The following SFPQ variants were observed in gnomAD, a reference collection of about 807,000 sequenced individuals.
The protein encoded by SFPQ is splicing factor proline and glutamine rich, also known as splicing factor, proline- and glutamine-rich.
A neutral mutation model predicts 72.9 loss-of-function variants in SFPQ; 11 were observed. That is an observed-to-expected ratio of 0.15 (90% confidence interval 0.09 to 0.25). The LOEUF is 0.25. Among genes scored for constraint, SFPQ ranks in the 10% least tolerant of loss-of-function variants. SFPQ has a pLI of 1.00. For missense variants in SFPQ, 847 were observed against 993.3 expected, an observed-to-expected ratio of 0.85 and a Z score of 1.98; for synonymous variants, 506 against 367.3, an observed-to-expected ratio of 1.38 and a Z score of -4.32.
downstream of SFPQ, chr1:35,180,407 T>TGC (rs1333642035): frequency 9.6e-7 from 1 of 1,045,548 alleles, no homozygotes; most frequent in Admixed American, 5.5e-5. Flanking sequence ...TCTGAACATA[T>TGC]GCAGTCATCC....
Position 35,192,407 on chromosome 1 carries a change from C to A in SFPQ, c.643G>T (p.Gly215Trp). The A allele has an allele frequency of 1.4e-5, 20 of 1,424,342 alleles. No homozygotes were observed. The highest frequency in any genetic ancestry group is 1.8e-5 in the Non-Finnish European group (20 of 1,096,984). The allele number at this position is 1,424,342 out of a possible 1,614,324, so 88.2% of individuals were successfully genotyped here. A position where few individuals can be genotyped will look rare whatever the true frequency, so the allele number is the denominator to read the frequency against. Residue 215 changes from glycine to tryptophan, a missense_variant, in exon 1 of 10, where the codon GGG becomes TGG. This residue lies in a region of SFPQ where 498 missense variants were observed against 405.1 expected (regional missense o/e 1.23). Coordinates refer to ENST00000357214, the MANE Select transcript of SFPQ (RefSeq NM_005066.3). ...GGPKGGKMPG[G>W]PKPGGGPGLS... ...CCCGGGCCGCCACCTGGCTTCGGCC[C>A]GCCAGGCATTTTGCCGCCTTTGGGA...
chr1:35,191,156 C>T (rs1327165110), intron 2 of SFPQ, among the ~76,000 whole-genome samples, 161 bp from the exon 3 acceptor site: 1 of 152,176 alleles, frequency 6.6e-6, no homozygotes, highest in Non-Finnish European at 1.5e-5. Flanking sequence ...CCACCCCACC[C>T]CTCTTTTCTC....
Position 35,187,077 on chromosome 1 carries a change from C to T in SFPQ, c.1910G>A (p.Gly637Asp). 1 of 1,614,068 alleles carries T rather than the reference C, an allele frequency of 6.2e-7. No individual in the cohort carries two copies. Among genetic ancestry groups the T allele is most frequent in the Non-Finnish European group, 8.5e-7 (1 of 1,179,976 alleles). ...ATTAGCTTCATAACCTATGCCACCA[C>T]CACCTCCTAGAGGTGGAAATTTCTG... is the stretch of plus-strand genomic sequence containing the variant. ...GGQKFPPLGGGGGIGYEANPG... is the reference protein window; with the variant it reads ...GGQKFPPLGGDGGIGYEANPG... The change falls in exon 9 of 10, where the codon GGT becomes GAT. Residue 637 changes from glycine to aspartate, a missense_variant. Physicochemically the swap from Gly to Asp is moderately conservative, Grantham distance 94. Coordinates refer to ENST00000357214, the MANE Select transcript of SFPQ (RefSeq NM_005066.3).
In SFPQ at chr1:35,191,500, C is replaced by T. The variant is rs138166674; in HGVS notation, c.858G>A (p.Arg286=). The T allele has an allele frequency of 3.4e-5, 55 of 1,613,302 alleles. 1 individual carries two copies. The Admixed American group carries it at 6.0e-4, about 18-fold the overall frequency. ...GTGTGTAAGTTTTCTCTCCAGGCCT[C>T]CTCAAGAGAGACAAATTGGCTTTAA... The part of the protein sequence containing the change: ...EGFKANLSLL[R]RPGEKTYTQR... The change falls in exon 2 of 10, where the codon AGG becomes AGA. Residue 286 remains arginine, a synonymous_variant. Coordinates refer to ENST00000357214, the MANE Select transcript of SFPQ (RefSeq NM_005066.3).
At chr1:35,191,589 AG>A in intron 1 of SFPQ, 60 bp from the exon 2 acceptor site, 1 of 1,350,968 alleles carries the variant, frequency 7.4e-7, no homozygotes, top group Non-Finnish European at 1.0e-6. Context: ...AAAATCCCCA[AG>A]ATAGTATTTG....
chr1:35,191,316 C>T (rs374732522), intron 2 of SFPQ, 25 bp downstream of exon 2: 2 of 1,600,496 alleles, frequency 1.2e-6, no homozygotes, highest in Non-Finnish European at 8.5e-7. Flanking sequence ...TTTAATTCTA[C>T]GTAAAATCAA....
Position 35,192,999 on chromosome 1 carries a change from G to A in SFPQ, c.51C>T (p.His17=), listed in dbSNP as rs1308389993. ...RSRGGGGGGF[H]RRGGGGGRGG... is the part of the protein sequence containing the mutation. ...CGCGGCCGCCGCCTCCTCCACGCCT[G>A]TGGAAGCCACCACCGCCACCGCCAC... Residue 17 remains histidine, a synonymous_variant, in exon 1 of 10, where the codon CAC becomes CAT. Transcript: ENST00000357214. 7 of 1,577,024 alleles carry A rather than the reference G, an allele frequency of 4.4e-6. No homozygotes were observed. Among genetic ancestry groups the A allele is most frequent in the African/African-American group, 2.7e-5 (2 of 73,982 alleles).
rs984239458 is a variant in SFPQ, at chr1:35,190,384, G to A, written c.1415+114C>T. 6 of 689,706 alleles carry A rather than the reference G, an allele frequency of 8.7e-6. No individual in the cohort carries two copies. The African/African-American group carries it at 9.0e-5, about 10-fold the overall frequency. The allele number at this position is 689,706 out of a possible 1,614,324, so 42.7% of individuals were successfully genotyped here. A position where few individuals can be genotyped will look rare whatever the true frequency, so the allele number is the denominator to read the frequency against. ...TCAGCCTGAGATTTTTTACTAATAA[G>A]CATATCCACATCAAATAATTTTGCA... On this transcript the variant is annotated intron_variant, in intron 4 of 9. Transcript: ENST00000357214.
At chr1:35,179,188 G>A (rs932764162), downstream of SFPQ, 1 of 1,060,650 alleles carries the variant, frequency 9.4e-7, no homozygotes, top group Admixed American at 5.4e-5. Flanking sequence ...TTAAGTGAAA[G>A]GCAGTAAATG....
In SFPQ at chr1:35,190,487, A is replaced by C. The variant is rs1639945038; in HGVS notation, c.1415+11T>G. 6.6e-7 allele frequency: 1 copy of C among 1,513,502 alleles called. No homozygotes were observed. Among genetic ancestry groups the C allele is most frequent in the African/African-American group, 1.6e-5 (1 of 62,000 alleles). 93.8% of individuals were successfully genotyped at this position (1,513,502 alleles called of 1,614,324 possible). A position where few individuals can be genotyped will look rare whatever the true frequency, so the allele number is the denominator to read the frequency against. Reference sequence around the variant, plus strand: ...ATTTAAAAACTGCCAAAAAAGTTTAATCAATCTTACTTTTGATACATTGGA... The same window carrying C: ...ATTTAAAAACTGCCAAAAAAGTTTACTCAATCTTACTTTTGATACATTGGA... On this transcript the variant is annotated intron_variant, in intron 4 of 9. Coordinates refer to ENST00000357214, the MANE Select transcript of SFPQ (RefSeq NM_005066.3).
rs748429092 is a variant in SFPQ, at chr1:35,192,897, C to G, written c.153G>C (p.Pro51=). 3.2e-6 allele frequency: 5 copies of G among 1,554,512 alleles called. No homozygotes were observed. Among genetic ancestry groups the G allele is most frequent in the East Asian group, 4.9e-5 (2 of 41,002 alleles). The change falls in exon 1 of 10, where the codon CCG becomes CCC. Residue 51 remains proline, a synonymous_variant. Transcript: ENST00000357214. ...NQNRGPMGPG[P]GQSGPKPPIP... ...TCGGAGGCTTAGGGCCGCTCTGGCC[C>G]GGGCCAGGACCCATGGGGCCGCGAT...
chr1:35,180,093 G>A (rs760604004), downstream of SFPQ: 7 of 1,050,964 alleles, frequency 6.7e-6, no homozygotes, highest in African/African-American at 6.6e-5. Flanking sequence ...GCTTGCCAAC[G>A]AGCAAGCTTT....
chr1:35,179,592 TAA>T (rs1348070344), downstream of SFPQ: 4 of 1,053,366 alleles, frequency 3.8e-6, no homozygotes, highest in East Asian at 2.1e-4. Flanking sequence ...CCCACTGCAC[TAA>T]GATTCACAAT....
At chr1:35,180,261 T>C (rs1479844577), downstream of SFPQ, 5 of 1,050,670 alleles carry the variant, frequency 4.8e-6, no homozygotes, top group Non-Finnish European at 5.7e-6. Context: ...GAAGTTGAAG[T>C]GAGGTCTGGA....
At position 35,184,081 on chromosome 1, in the gene SFPQ, T is replaced by C; in HGVS notation, c.*375A>G. 9.1e-7 allele frequency: 1 copy of C among 1,100,796 alleles called. No homozygotes were observed. Among genetic ancestry groups the C allele is most frequent in the South Asian group, 3.6e-5 (1 of 28,056 alleles). The allele number at this position is 1,100,796 out of a possible 1,614,324, so 68.2% of individuals were successfully genotyped here. On this transcript the variant is annotated 3_prime_UTR_variant, in exon 10 of 10. Coordinates refer to ENST00000357214, the MANE Select transcript of SFPQ (RefSeq NM_005066.3). The stretch of plus-strand genomic sequence containing the variant: ...TTTCAATGTGGAATACGTAGCCTAA[T>C]ATGCATAGAAGCATGAATGGCAAAG...
chr1:35,186,542 G>A (rs1639723679), intron 9 of SFPQ, among the ~76,000 whole-genome samples: 1 of 152,072 alleles, frequency 6.6e-6, no homozygotes, highest in Admixed American at 6.6e-5. Context: ...ACCAAATATA[G>A]GTCAAAGTCC....
chr1:35,188,057 C>T lies in SFPQ; in HGVS notation c.1731G>A (p.Glu577=). The T allele has an allele frequency of 6.2e-7, 1 of 1,614,098 alleles. No individual in the cohort carries two copies. The highest frequency in any genetic ancestry group is 8.5e-7 in the Non-Finnish European group (1 of 1,179,954). ...QEEERRRREE[E]MMIRQREMEE... The stretch of plus-strand genomic sequence containing the variant: ...CCATCTCACGTTGACGAATCATCAT[C>T]TCTTCCTCTCTTCTACGTCGTTCCT... Residue 577 remains glutamate, a synonymous_variant, in exon 7 of 10, where the codon GAG becomes GAA. Transcript: ENST00000357214.
At position 35,183,621 on chromosome 1, in the gene SFPQ, T is replaced by C; in HGVS notation, c.*835A>G. Reference sequence around the variant, plus strand: ...AGACTTCATGTTTAACATCTTTAATTCAAATGTAAAAGTTCAATACAAGCC... The same window carrying C: ...AGACTTCATGTTTAACATCTTTAATCCAAATGTAAAAGTTCAATACAAGCC... On this transcript the variant is annotated 3_prime_UTR_variant, in exon 10 of 10. Transcript: ENST00000357214. 1 of 1,031,636 alleles carries C rather than the reference T, an allele frequency of 9.7e-7. No homozygotes were observed. The highest frequency in any genetic ancestry group is 4.6e-5 in the South Asian group (1 of 21,656). 63.9% of individuals were successfully genotyped at this position (1,031,636 alleles called of 1,614,324 possible).
chr1:35,191,905 C>A (rs1464406938), intron 1 of SFPQ, among the ~76,000 whole-genome samples: 1 of 152,264 alleles, frequency 6.6e-6, no homozygotes, highest in Non-Finnish European at 1.5e-5. Flanking sequence ...TCCCGGTTCT[C>A]TCCAAACCTA....
Sources: allele counts gnomAD v4.1 joint callset (sites outside exome capture counted in the v4.1 genomes callset), GRCh38; gene constraint gnomAD v4.1.1; regional missense constraint gnomAD v4.1.1; transcripts MANE v1.5; gene names NCBI Gene and HGNC (gene_info 2026-07-23, HGNC 2026-07-21).